Variants in ZNF69 observed in about 807,000 individuals in gnomAD.
ZNF69 encodes ZNF3.
In ZNF69, 47 loss-of-function variants were observed where a neutral mutation model predicts 50.9. That is an observed-to-expected ratio of 0.92 (90% confidence interval 0.73 to 1.18). The LOEUF (loss-of-function observed/expected upper bound fraction) is 1.18. Ranked by LOEUF, ZNF69 falls within the 50% of genes most tolerant of loss-of-function variation. The probability of loss-of-function intolerance (pLI) is 0.00; values close to 1 mark genes in which losing one functional copy is unlikely to be tolerated. For missense variants in ZNF69, 717 were observed against 675.1 expected (o/e 1.06, Z -0.69); for synonymous variants, 216 against 223.1 (o/e 0.97, Z 0.29).
chr19:11,964,556 G>C, the ZNF69 span, among the ~76,000 whole-genome samples: 1 of 152,162 alleles, frequency 6.6e-6, no homozygotes, highest in South Asian at 2.1e-4. Flanking sequence ...CACACTGTGA[G>C]GAGGGGATGG....
At chr19:11,958,537 G>A in the ZNF69 span, among the ~76,000 whole-genome samples, 5 of 152,228 alleles carry the variant, frequency 3.3e-5, no homozygotes, top group South Asian at 2.1e-4. Context: ...CACAGTGAGC[G>A]AGTGGTCTTT....
At chr19:11,903,777 G>A (rs1181305581) in intron 2 of ZNF69, 78 bp downstream of exon 2, 3 of 1,604,254 alleles carry the variant, frequency 1.9e-6, no homozygotes, top group African/African-American at 1.3e-5. Flanking sequence ...GAGTGATTTA[G>A]AACATAGACA....
chr19:11,894,338 C>T (rs575869504), intron 1 of ZNF69, among the ~76,000 whole-genome samples: 58 of 152,238 alleles, frequency 3.8e-4, no homozygotes, highest in Non-Finnish European at 8.8e-5. Context: ...GACAGGATTT[C>T]ACCATGTTAG....
chr19:11,913,720 C>A, exon 5 of ZNF69: 1 of 198,532 alleles, frequency 5.0e-6, no homozygotes. Context: ...GTCATAATAC[C>A]AACAGTTATC....
the ZNF69 span, among the ~76,000 whole-genome samples, chr19:11,930,780 C>T: frequency 1.4e-5 from 2 of 148,028 alleles, no homozygotes; most frequent in Admixed American, 6.6e-5. Flanking sequence ...ACTGGCATAT[C>T]ACCTGAGGTC....
At chr19:11,922,939 A>G in the ZNF69 span, among the ~76,000 whole-genome samples, 1 of 151,660 alleles carries the variant, frequency 6.6e-6, no homozygotes, top group Non-Finnish European at 1.5e-5. Context: ...CAGCCTCCTG[A>G]GTAGCTGTGA....
chr19:11,920,234 C>T, the ZNF69 span, among the ~76,000 whole-genome samples: 1 of 151,722 alleles, frequency 6.6e-6, no homozygotes, highest in African/African-American at 2.4e-5. Context: ...GCCTCTGCCT[C>T]CAGAATAGCC....
At chr19:11,977,557 A>C in the ZNF69 span, 1 of 1,237,168 alleles carries the variant, frequency 8.1e-7, no homozygotes, top group Non-Finnish European at 1.1e-6. Context: ...ATATTTTCTC[A>C]AAATCATATA....
chr19:11,949,488 C>G, the ZNF69 span: 1 of 1,612,326 alleles, frequency 6.2e-7, no homozygotes, highest in Non-Finnish European at 8.5e-7. Context: ...ATGTGAAGCA[C>G]CTTCAAATTC....
chr19:11,978,263 A>G, the ZNF69 span: 1 of 1,614,124 alleles, frequency 6.2e-7, no homozygotes, highest in East Asian at 2.2e-5. Flanking sequence ...TATGTGGAGA[A>G]GTTGGCATAG....
downstream of ZNF69, among the ~76,000 whole-genome samples, chr19:11,918,296 A>C (rs929810398): frequency 9.2e-5 from 14 of 152,094 alleles, no homozygotes; most frequent in African/African-American, 3.4e-4. Context: ...ATTTGCCAAC[A>C]CTTTGAATTA....
the ZNF69 span, among the ~76,000 whole-genome samples, chr19:11,928,056 T>C: frequency 3.3e-5 from 5 of 151,980 alleles, no homozygotes; most frequent in Non-Finnish European, 7.4e-5. Flanking sequence ...AGAGCAGTGG[T>C]GCGATGATGG....
At chr19:11,946,746 A>G in the ZNF69 span, 1 of 154,148 alleles carries the variant, frequency 6.5e-6, no homozygotes, top group Admixed American at 6.5e-5. Context: ...CCTTTTTGAA[A>G]TTTTTTATAA....
chr19:11,955,235 C>T, the ZNF69 span, among the ~76,000 whole-genome samples: 1 of 151,760 alleles, frequency 6.6e-6, no homozygotes, highest in Non-Finnish European at 1.5e-5. Flanking sequence ...AAATTCCTGA[C>T]CTTGTGATCC....
At chr19:11,966,668 CTGG>C in the ZNF69 span, among the ~76,000 whole-genome samples, 4 of 152,184 alleles carry the variant, frequency 2.6e-5, no homozygotes, top group Non-Finnish European at 1.5e-5. Flanking sequence ...GCCACCTCGC[CTGG>C]CCGCAAGGTA....
At chr19:11,966,825 C>T in the ZNF69 span, among the ~76,000 whole-genome samples, 27,752 of 152,016 alleles carry the variant, frequency 0.18, 5,491 homozygotes, top group African/African-American at 0.5. Flanking sequence ...CAGATTTCAG[C>T]TGGAAGAGTT....
chr19:11,904,071 A>C lies in ZNF69; in HGVS notation c.251+106A>C, dbSNP rs1407924523. 3.1e-5 allele frequency: 42 copies of C among 1,368,376 alleles called. No homozygotes were observed. In the Middle Eastern group the frequency reaches 5.6e-4, roughly 18 times the overall value. The allele number at this position is 1,368,376 out of a possible 1,614,324, so 84.8% of individuals were successfully genotyped here. A position where few individuals can be genotyped will look rare whatever the true frequency, so the allele number is the denominator to read the frequency against. ...ACTAAGTCCAGGATCAAATACATTT[A>C]TTTTTAGAATATTTGATCAAAAAAC... is the stretch of plus-strand genomic sequence containing the variant. On this transcript the variant is annotated intron_variant, in intron 3 of 3. Coordinates refer to ENST00000429654, the MANE Select transcript of ZNF69 (RefSeq NM_001364730.1).
chr19:11,927,421 TTTAAATAAATAAATAAATAA>T, the ZNF69 span, among the ~76,000 whole-genome samples: 1 of 107,808 alleles, frequency 9.3e-6, no homozygotes, highest in African/African-American at 4.2e-5. Context: ...CCTGTCTCTA[TTTAAATAAATAAATAAATAA>T]ATAAATAAAT....
chr19:11,968,577 C>T, the ZNF69 span, among the ~76,000 whole-genome samples: 1 of 152,122 alleles, frequency 6.6e-6, no homozygotes, highest in African/African-American at 2.4e-5. Flanking sequence ...TTTTTTCCCC[C>T]AGAGCTTGTT....
Sources: allele counts gnomAD v4.1 joint callset (sites outside exome capture counted in the v4.1 genomes callset), GRCh38; gene constraint gnomAD v4.1.1; transcripts MANE v1.5; gene names NCBI Gene and HGNC (gene_info 2026-07-23, HGNC 2026-07-21).